WDR48: variants seen among roughly 807,000 people sequenced by gnomAD.
WDR48 encodes WD repeat domain 48.
Under a neutral mutation model 94.0 loss-of-function variants are expected in WDR48, and 22 were observed. The observed-to-expected ratio is 0.23, with a 90% CI of 0.17 to 0.33. The LOEUF is 0.33. Among genes scored for constraint, WDR48 ranks in the 10% least tolerant of loss-of-function variants. The probability of loss-of-function intolerance (pLI) is 1.00; values close to 1 mark genes in which losing one functional copy is unlikely to be tolerated. For synonymous variants in WDR48, 278 were observed against 280.5 expected (o/e 0.99, Z 0.09); for missense variants, 541 against 813.8 (o/e 0.66, Z 4.08).
chr3:39,069,496 G>T (rs1229589224), intron 6 of WDR48, 147 bp from the exon 7 acceptor site: 3 of 592,532 alleles, frequency 5.1e-6, no homozygotes, highest in Non-Finnish European at 8.5e-6. Flanking sequence ...ATTCCCTGAG[G>T]TTGGGAGGCT....
chr3:39,094,108 T>C (rs768755505), intron 18 of WDR48, 42 bp downstream of exon 18: 2 of 1,580,486 alleles, frequency 1.3e-6, no homozygotes, highest in Non-Finnish European at 1.7e-6. Flanking sequence ...TTTCCAGTGC[T>C]GGTGCTCATA....
At chr3:39,060,419 CATATATATATAT>C in intron 1 of WDR48, among the ~76,000 whole-genome samples, 1 of 147,846 alleles carries the variant, frequency 6.8e-6, no homozygotes, top group South Asian at 2.1e-4. Context: ...TGTGTGTGTG[CATATATATATAT>C]ATATATGCAC....
chr3:39,094,388 A>T (rs2035235348), intron 18 of WDR48: 5 of 1,475,436 alleles, frequency 3.4e-6, no homozygotes, highest in Non-Finnish European at 4.5e-6. Context: ...CTGTTTTTTA[A>T]ATCAAGATGC....
intron 16 of WDR48, 123 bp downstream of exon 16, chr3:39,089,441 C>A: frequency 1.3e-6 from 1 of 789,138 alleles, no homozygotes; most frequent in Non-Finnish European, 1.9e-6. Flanking sequence ...GAATCCCCAT[C>A]TGCTTCCTTG....
At chr3:39,092,644 GAGA>G (rs1225826042) in intron 17 of WDR48, among the ~76,000 whole-genome samples, 6 of 152,160 alleles carry the variant, frequency 3.9e-5, no homozygotes, top group South Asian at 2.1e-4. Context: ...GGAGACCCAA[GAGA>G]AGAATTTTAG....
chr3:39,062,938 G>A (rs1374494948), intron 1 of WDR48, 112 bp from the exon 2 acceptor site: 90 of 1,364,514 alleles, frequency 6.6e-5, no homozygotes, highest in Non-Finnish European at 2.0e-6. Context: ...GGTTGAAAAA[G>A]TACATATTGG....
At chr3:39,054,594 T>G (rs2032729746) in intron 1 of WDR48, among the ~76,000 whole-genome samples, 1 of 152,212 alleles carries the variant, frequency 6.6e-6, no homozygotes, top group African/African-American at 2.4e-5. Context: ...AACATTCCCT[T>G]TAGCCCAGAA....
At chr3:39,059,074 CAAA>C (rs1178955423) in intron 1 of WDR48, among the ~76,000 whole-genome samples, 262 of 69,704 alleles carry the variant, frequency 3.8e-3, no homozygotes, top group African/African-American at 9.2e-3. Flanking sequence ...GACTCCGTCT[CAAA>C]AAAAAAAAAA....
At chr3:39,069,812 G>T (rs2033827677) in intron 7 of WDR48, 68 bp downstream of exon 7, 1 of 1,282,576 alleles carries the variant, frequency 7.8e-7, no homozygotes. Context: ...GTATACTATT[G>T]CATAGGTTGA....
At chr3:39,068,303 A>G (rs896508268) in intron 5 of WDR48, among the ~76,000 whole-genome samples, 2 of 152,144 alleles carry the variant, frequency 1.3e-5, no homozygotes, top group South Asian at 2.1e-4. Context: ...GATTTTTGCT[A>G]TAGTCTGAAT....
At chr3:39,062,189 C>T (rs1368912416) in intron 1 of WDR48, among the ~76,000 whole-genome samples, 2 of 152,138 alleles carry the variant, frequency 1.3e-5, no homozygotes, top group East Asian at 1.9e-4. Flanking sequence ...TGCCTGTGTC[C>T]TGAATTGTAT....
chr3:39,075,216 A>C (rs1177243713), intron 8 of WDR48, among the ~76,000 whole-genome samples: 3 of 119,400 alleles, frequency 2.5e-5, no homozygotes, highest in African/African-American at 6.7e-5. Context: ...TTTTTTTAAC[A>C]GTTTTGTAAG....
intron 6 of WDR48, among the ~76,000 whole-genome samples, chr3:39,069,414 G>A (rs2033800496): frequency 6.6e-6 from 1 of 152,182 alleles, no homozygotes; most frequent in African/African-American, 2.4e-5. Context: ...ATAAGTAAGA[G>A]TATAACTATA....
At chr3:39,081,976 T>G (rs1162936443) in intron 11 of WDR48, among the ~76,000 whole-genome samples, 1 of 152,218 alleles carries the variant, frequency 6.6e-6, no homozygotes, top group African/African-American at 2.4e-5. Context: ...AGTCAGGAGT[T>G]TTTTAGGAAC....
chr3:39,068,958 T>C, intron 6 of WDR48, 99 bp downstream of exon 6: 1 of 874,482 alleles, frequency 1.1e-6, no homozygotes, highest in Non-Finnish European at 1.7e-6. Flanking sequence ...AGCTTCTTTA[T>C]ATTTATTTAT....
intron 14 of WDR48, among the ~76,000 whole-genome samples, chr3:39,086,774 A>G (rs959252078): frequency 1.3e-5 from 2 of 152,206 alleles, no homozygotes; most frequent in Non-Finnish European, 2.9e-5. Flanking sequence ...AAACAGTGGT[A>G]TAGTCATGCA....
At position 39,079,701 on chromosome 3, in the gene WDR48, T is replaced by TC; in HGVS notation, c.1076-10_1076-9insC. 1 of 1,524,072 alleles carries TC rather than the reference T, an allele frequency of 6.6e-7. No individual in the cohort carries two copies. The highest frequency in any genetic ancestry group is 8.8e-7 in the Non-Finnish European group (1 of 1,138,506). 94.4% of individuals were successfully genotyped at this position (1,524,072 alleles called of 1,614,324 possible). On this transcript the variant is annotated splice_polypyrimidine_tract_variant and intron_variant, in intron 10 of 18. Coordinates refer to ENST00000302313, the MANE Select transcript of WDR48 (RefSeq NM_020839.4). ...ATTGTTTTACCAATTGTGTTTTTTT[T>TC]TCCCATTAGGGGGTGCTAGTATTAT...
At chr3:39,087,956 TTTC>T in intron 14 of WDR48, 169 bp from the exon 15 acceptor site, 2 of 604,036 alleles carry the variant, frequency 3.3e-6, no homozygotes, top group Non-Finnish European at 2.9e-6. Context: ...AGTTGCTGTG[TTTC>T]TTATTTTCAG....
In WDR48 at chr3:39,060,419, C is replaced by CATATATAT. The variant is rs200990149; in HGVS notation, c.49-2620_49-2613dup. On this transcript the variant is annotated intron_variant, in intron 1 of 18. Coordinates refer to ENST00000302313, the MANE Select transcript of WDR48 (RefSeq NM_020839.4). ...TGTGTCAGTACAGTGTGTGTGTGTGCATATATATATATATATATGCACACA... is the reference window on the plus strand; with the variant it reads ...TGTGTCAGTACAGTGTGTGTGTGTGCATATATATATATATATATATATATATGCACACA... Among the ~76,000 whole-genome samples, 47 of 147,844 alleles carry CATATATAT rather than the reference C, an allele frequency of 3.2e-4. 1 individual carries two copies. Among genetic ancestry groups the CATATATAT allele is most frequent in the African/African-American group, 1.1e-3 (43 of 40,372 alleles).
Sources: allele counts gnomAD v4.1 joint callset (sites outside exome capture counted in the v4.1 genomes callset), GRCh38; gene constraint gnomAD v4.1.1; transcripts MANE v1.5; gene names NCBI Gene and HGNC (gene_info 2026-07-23, HGNC 2026-07-21).